SH3RF3: variants seen among roughly 807,000 people sequenced by gnomAD.
SH3RF3 encodes the protein E3 ubiquitin-protein ligase SH3RF3.
SH3RF3 carries 29 observed loss-of-function variants against 66.3 expected under a neutral mutation model. The observed-to-expected ratio is 0.44, with a 90% CI of 0.33 to 0.60. The LOEUF (loss-of-function observed/expected upper bound fraction) is 0.60, where lower values mean the gene tolerates loss of function less well. SH3RF3 is among the 20% of genes least tolerant of loss of function. The probability of loss-of-function intolerance (pLI) is 0.04; values close to 1 mark genes in which losing one functional copy is unlikely to be tolerated. For missense variants in SH3RF3, 1,194 were observed against 1,190.9 expected, an observed-to-expected ratio of 1.00 and a Z score of -0.04; for synonymous variants, 583 against 532.0, an observed-to-expected ratio of 1.10 and a Z score of -1.32.
At chr2:109,445,918 G>C (rs1472548476) in intron 7 of SH3RF3, among the ~76,000 whole-genome samples, 1 of 152,112 alleles carries the variant, frequency 6.6e-6, no homozygotes, top group African/African-American at 2.4e-5. Context: ...AGAATGAACT[G>C]AGTGAGGGCT....
chr2:109,130,081 C>T lies in SH3RF3; in HGVS notation c.541C>T (p.Leu181=), dbSNP rs1166387620. The change falls in exon 1 of 10, where the codon CTG becomes TTG. Residue 181 remains leucine (L), a synonymous_variant. Transcript: ENST00000309415. ...AGSTAGSLRE[L]ATSRTAPAAK... ...CAGCACCGCCGGCAGTCTGCGGGAG[C>T]TGGCGACCAGCAGGACCGCGCCGGC... 1.5e-6 allele frequency: 2 copies of T among 1,366,662 alleles called. No homozygotes were observed. The highest frequency in any genetic ancestry group is 3.1e-5 in the East Asian group (1 of 32,390). 84.7% of individuals were successfully genotyped at this position (1,366,662 alleles called of 1,614,324 possible).
Position 109,222,945 on chromosome 2 carries a change from G to A in SH3RF3, c.573+92832G>A, listed in dbSNP as rs113419899. On this transcript the variant is annotated intron_variant, in intron 1 of 9. Coordinates refer to ENST00000309415, the MANE Select transcript of SH3RF3 (RefSeq NM_001099289.3). Reference sequence around the variant, plus strand: ...GAGAGGGATGGACCTGCCCCTGCCTGGGGCTACGGTCCCCATACTCTCCCA... The same window carrying A: ...GAGAGGGATGGACCTGCCCCTGCCTAGGGCTACGGTCCCCATACTCTCCCA... Among the ~76,000 whole-genome samples, 1,276 of 152,358 alleles carry A rather than the reference G, an allele frequency of 8.4e-3. 13 individuals are homozygous for A. The highest frequency in any genetic ancestry group is 0.029 in the African/African-American group (1,219 of 41,588).
At chr2:109,443,148 G>T (rs908731673) in intron 7 of SH3RF3, among the ~76,000 whole-genome samples, 1 of 152,216 alleles carries the variant, frequency 6.6e-6, no homozygotes. Flanking sequence ...GCATGGGTGT[G>T]TACACATATC....
chr2:109,318,507 T>C (rs2105450715), intron 1 of SH3RF3, among the ~76,000 whole-genome samples: 1 of 152,342 alleles, frequency 6.6e-6, no homozygotes, highest in Non-Finnish European at 1.5e-5. Flanking sequence ...ACAATCATTT[T>C]GGCGACCGTG....
rs1683398851 is a variant in SH3RF3, at chr2:109,376,850, G to A, written c.945+5169G>A. On this transcript the variant is annotated intron_variant, in intron 3 of 9. Transcript: ENST00000309415. ...CAGCATCTCTGACAGTAAAGGGCGG[G>A]GAGGAAGAACCCCTTCCTTTGTTCC... Among the ~76,000 whole-genome samples, 6 of 152,242 alleles carry A rather than the reference G, an allele frequency of 3.9e-5. No individual in the cohort carries two copies. In the South Asian group the frequency reaches 1.0e-3, roughly 26 times the overall value.
At chr2:109,142,328 C>T (rs1416436459) in intron 1 of SH3RF3, among the ~76,000 whole-genome samples, 2 of 152,150 alleles carry the variant, frequency 1.3e-5, no homozygotes, top group Non-Finnish European at 2.9e-5. Flanking sequence ...TTAAAAATTC[C>T]CATGCATGTT....
chr2:109,349,066 CAG>C (rs1682784635), intron 2 of SH3RF3, among the ~76,000 whole-genome samples: 1 of 152,098 alleles, frequency 6.6e-6, no homozygotes, highest in South Asian at 2.1e-4. Flanking sequence ...TTGTAAATAA[CAG>C]AACTAGAATT....
chr2:109,317,268 A>G (rs184509236), intron 1 of SH3RF3, among the ~76,000 whole-genome samples: 99 of 152,142 alleles, frequency 6.5e-4, no homozygotes, highest in African/African-American at 2.0e-3. Flanking sequence ...TTGTGCACAG[A>G]TAGCGTCAAG....
chr2:109,163,230 T>G (rs546707186), intron 1 of SH3RF3, among the ~76,000 whole-genome samples: 1 of 152,220 alleles, frequency 6.6e-6, no homozygotes, highest in Middle Eastern at 3.4e-3. Flanking sequence ...CCAGAACTAT[T>G]TTTGGTGTGT....
In SH3RF3 at chr2:109,484,287, G is replaced by A. The variant is rs190818091; in HGVS notation, c.2149-6318G>A. ...TCACCATGTTGGCCAGGCTGGTCTC[G>A]AACTCCTGACCTGAGGTGATCCGTC... On this transcript the variant is annotated intron_variant, in intron 8 of 9. Coordinates refer to ENST00000309415, the MANE Select transcript of SH3RF3 (RefSeq NM_001099289.3). Among the ~76,000 whole-genome samples, 645 of 152,082 alleles carry A rather than the reference G, an allele frequency of 4.2e-3. 7 individuals are homozygous for A. Among genetic ancestry groups the A allele is most frequent in the African/African-American group, 0.015 (617 of 41,486 alleles).
At chr2:109,295,665 TG>T (rs1681290410) in intron 1 of SH3RF3, among the ~76,000 whole-genome samples, 1 of 152,142 alleles carries the variant, frequency 6.6e-6, no homozygotes, top group South Asian at 2.1e-4. Flanking sequence ...AGGGGCCTGC[TG>T]CCTGGTTGGT....
chr2:109,337,653 GGCTGTGCCATATGC>G (rs1682455581), intron 1 of SH3RF3, among the ~76,000 whole-genome samples: 1 of 151,722 alleles, frequency 6.6e-6, no homozygotes, highest in African/African-American at 2.4e-5. Flanking sequence ...CTTCTTGAAT[GGCTGTGCCATATGC>G]TATCAGCATA....
chr2:109,190,108 T>C (rs1678309228), intron 1 of SH3RF3, among the ~76,000 whole-genome samples: 1 of 152,268 alleles, frequency 6.6e-6, no homozygotes. Context: ...GGGATGATTC[T>C]GTGTAGGTGA....
chr2:109,371,748 C>A, intron 3 of SH3RF3, 67 bp downstream of exon 3: 2 of 1,385,140 alleles, frequency 1.4e-6, no homozygotes, highest in South Asian at 2.4e-5. Context: ...ACAGTGGGGT[C>A]ACCTGACCTT....
chr2:109,130,033 G>C lies in SH3RF3; in HGVS notation c.493G>C (p.Val165Leu), dbSNP rs910120655. The part of the protein sequence containing the change: ...GAAGSTPGSP[V>L]FLSAAAGSTA... ...GGCAGGCAGCACCCCGGGTTCCCCG[G>C]TTTTCCTCTCCGCGGCCGCGGGCAG... is the stretch of plus-strand genomic sequence containing the variant. The change falls in exon 1 of 10, where the codon GTT becomes CTT. Residue 165 changes from valine (V) to leucine (L), a missense_variant. By Grantham distance (32) the Val-to-Leu change is conservative. Transcript: ENST00000309415. 3 of 1,352,752 alleles carry C rather than the reference G, an allele frequency of 2.2e-6. No individual in the cohort carries two copies. In the East Asian group the frequency reaches 9.2e-5, roughly 42 times the overall value. The allele number at this position is 1,352,752 out of a possible 1,614,324, so 83.8% of individuals were successfully genotyped here. A position where few individuals can be genotyped will look rare whatever the true frequency, so the allele number is the denominator to read the frequency against.
At chr2:109,170,211 CTCTCTTTTTTCTCTTCTCTTCTCTTCTTT>C (rs1374611130) in intron 1 of SH3RF3, among the ~76,000 whole-genome samples, 31 of 151,440 alleles carry the variant, frequency 2.0e-4, no homozygotes, top group African/African-American at 7.5e-4. Context: ...TTTTCTTTCT[CTCTCTTTTTTCTCTTCTCTTCTCTTCTTT>C]TCTTTTCTCT....
intron 3 of SH3RF3, among the ~76,000 whole-genome samples, chr2:109,394,783 C>T (rs1412031840): frequency 2.0e-5 from 3 of 152,004 alleles, no homozygotes; most frequent in Admixed American, 6.5e-5. Flanking sequence ...ACCCTCAGGC[C>T]GAATCCACAC....
At chr2:109,171,571 C>A (rs943209913) in intron 1 of SH3RF3, among the ~76,000 whole-genome samples, 1 of 152,254 alleles carries the variant, frequency 6.6e-6, no homozygotes, top group Non-Finnish European at 1.5e-5. Context: ...GAACACGGAG[C>A]ACAGGGAGCT....
At chr2:109,279,222 T>C (rs1680827033) in intron 1 of SH3RF3, among the ~76,000 whole-genome samples, 1 of 152,234 alleles carries the variant, frequency 6.6e-6, no homozygotes, top group Non-Finnish European at 1.5e-5. Flanking sequence ...GCTATTAGCT[T>C]GTCGAGAGCC....
Sources: allele counts gnomAD v4.1 joint callset (sites outside exome capture counted in the v4.1 genomes callset), GRCh38; gene constraint gnomAD v4.1.1; transcripts MANE v1.5; gene names NCBI Gene and HGNC (gene_info 2026-07-23, HGNC 2026-07-21).